Variants in SDK1 observed in about 807,000 individuals in gnomAD.
The protein encoded by SDK1 is protein sidekick-1.
SDK1 carries 157 observed loss-of-function variants against 245.5 expected under a neutral mutation model. The ratio of observed to expected loss-of-function variants is 0.64; its 90% CI spans 0.56 to 0.73. SDK1 has a LOEUF of 0.73. Ranked by LOEUF, SDK1 falls within the 30% of genes least tolerant of loss-of-function variation. SDK1 has a pLI of 0.00. For missense variants in SDK1, 3,583 were observed against 3,002.3 expected (o/e 1.19, Z -4.52); for synonymous variants, 1,647 against 1,278.5 (o/e 1.29, Z -6.15).
chr7:4,100,288 A>G lies in SDK1; in HGVS notation c.3325-10375A>G, dbSNP rs916815476. On this transcript the variant is annotated intron_variant, in intron 22 of 44. Coordinates refer to ENST00000404826, the MANE Select transcript of SDK1 (RefSeq NM_152744.4). Reference sequence around the variant, plus strand: ...GCCCTGGGCTCCTAGGGCAGGGGCCATGGGGGGCAGACATGGCCTCCAGGA... The same window carrying G: ...GCCCTGGGCTCCTAGGGCAGGGGCCGTGGGGGGCAGACATGGCCTCCAGGA... Among the ~76,000 whole-genome samples the G allele has an allele frequency of 2.0e-4, 31 of 152,136 alleles. 1 individual carries two copies. The highest frequency in any genetic ancestry group is 7.2e-4 in the African/African-American group (30 of 41,434).
chr7:4,055,997 A>T (rs1293089447), intron 19 of SDK1, among the ~76,000 whole-genome samples: 2 of 152,202 alleles, frequency 1.3e-5, no homozygotes, highest in Non-Finnish European at 2.9e-5. Context: ...AACACACTTC[A>T]TATAATTTTA....
At chr7:3,514,734 G>C (rs1782685422) in intron 1 of SDK1, among the ~76,000 whole-genome samples, 2 of 152,172 alleles carry the variant, frequency 1.3e-5, no homozygotes, top group African/African-American at 4.8e-5. Flanking sequence ...CCGTCTCCTT[G>C]ACCAGAACTG....
intron 1 of SDK1, among the ~76,000 whole-genome samples, chr7:3,513,409 C>A (rs979564496): frequency 6.6e-6 from 1 of 152,056 alleles, no homozygotes; most frequent in African/African-American, 2.4e-5. Flanking sequence ...AACAAAATCC[C>A]TTAATTAAGG....
chr7:3,373,227 G>A (rs1251374114), intron 1 of SDK1, among the ~76,000 whole-genome samples: 2 of 152,152 alleles, frequency 1.3e-5, no homozygotes, highest in African/African-American at 4.8e-5. Context: ...CATTAGCCTA[G>A]AAGGGCAGAA....
At chr7:4,045,134 A>C (rs554783492) in intron 17 of SDK1, among the ~76,000 whole-genome samples, 1 of 152,336 alleles carries the variant, frequency 6.6e-6, no homozygotes, top group African/African-American at 2.4e-5. Flanking sequence ...GCAGCATCCC[A>C]TTCCATAGAC....
At chr7:3,326,032 T>C (rs1270963312) in intron 1 of SDK1, among the ~76,000 whole-genome samples, 4 of 152,182 alleles carry the variant, frequency 2.6e-5, no homozygotes, top group Admixed American at 1.3e-4. Context: ...TCTATCCTAA[T>C]GTGTGTATAT....
chr7:3,340,766 C>CAA (rs56932562), intron 1 of SDK1, among the ~76,000 whole-genome samples: 1,949 of 125,352 alleles, frequency 0.016, 40 homozygotes, highest in East Asian at 0.041. Context: ...GACCCCGTCT[C>CAA]AAAAAAAAAA....
chr7:4,019,025 G>C (rs557407853), intron 17 of SDK1, among the ~76,000 whole-genome samples: 5 of 152,140 alleles, frequency 3.3e-5, no homozygotes, highest in Middle Eastern at 3.2e-3. Flanking sequence ...GTGCCTTCCA[G>C]CAACCCTGAA....
At chr7:3,528,799 A>T (rs143239629) in intron 1 of SDK1, among the ~76,000 whole-genome samples, 2 of 152,094 alleles carry the variant, frequency 1.3e-5, no homozygotes, top group East Asian at 3.9e-4. Flanking sequence ...GAATTGTGCT[A>T]TTTATGAAAA....
intron 14 of SDK1, among the ~76,000 whole-genome samples, chr7:4,008,319 G>A (rs529574191): frequency 2.6e-5 from 4 of 152,330 alleles, no homozygotes; most frequent in African/African-American, 7.2e-5. Flanking sequence ...TAGGAATAAC[G>A]CTCAAAATCC....
At chr7:3,374,511 T>A (rs1015267982) in intron 1 of SDK1, among the ~76,000 whole-genome samples, 1 of 152,192 alleles carries the variant, frequency 6.6e-6, no homozygotes, top group Non-Finnish European at 1.5e-5. Flanking sequence ...CTTCAGTGGC[T>A]GCCACCAGAA....
intron 14 of SDK1, 63 bp downstream of exon 14, chr7:3,987,385 G>A: frequency 6.4e-7 from 1 of 1,550,588 alleles, no homozygotes; most frequent in Non-Finnish European, 8.9e-7. Flanking sequence ...TGCTCTTAAT[G>A]TCCTTAACCT....
At chr7:3,986,452 A>G (rs1422509480) in intron 13 of SDK1, among the ~76,000 whole-genome samples, 1 of 152,236 alleles carries the variant, frequency 6.6e-6, no homozygotes, top group African/African-American at 2.4e-5. Flanking sequence ...CTAAATGGCT[A>G]GTGTTGGAAA....
At position 3,728,934 on chromosome 7, in the gene SDK1, T is replaced by TA. The variant is rs935995320; in HGVS notation, c.713+86839dup. On this transcript the variant is annotated intron_variant, in intron 4 of 44. Coordinates refer to ENST00000404826, the MANE Select transcript of SDK1 (RefSeq NM_152744.4). ...GCTATTTCTAAGAGACCTATCTCTC[T>TA]AAAAAAAAAATCTCTAGAAAAACTT... 6.7e-3 allele frequency among the ~76,000 whole-genome samples: 1,006 copies of TA among 149,636 alleles called. 11 individuals are homozygous for TA. Among genetic ancestry groups the TA allele is most frequent in the African/African-American group, 0.021 (873 of 40,938 alleles).
intron 40 of SDK1, among the ~76,000 whole-genome samples, chr7:4,229,718 A>C (rs1162134214): frequency 6.6e-6 from 1 of 152,152 alleles, no homozygotes. Context: ...CTTAATTTCA[A>C]TGGCTTTAAG....
chr7:3,666,535 T>C (rs953172773), intron 4 of SDK1, among the ~76,000 whole-genome samples: 1 of 152,152 alleles, frequency 6.6e-6, no homozygotes, highest in South Asian at 2.1e-4. Flanking sequence ...TGGCGACACC[T>C]CTCCCTGTTG....
At chr7:4,163,419 G>A (rs1455057046) in intron 32 of SDK1, among the ~76,000 whole-genome samples, 1 of 152,210 alleles carries the variant, frequency 6.6e-6, no homozygotes, top group Non-Finnish European at 1.5e-5. Context: ...GGATGTCCCG[G>A]CCACATGCCC....
chr7:3,472,576 C>T (rs555725146), intron 1 of SDK1, among the ~76,000 whole-genome samples: 3 of 152,262 alleles, frequency 2.0e-5, no homozygotes, highest in East Asian at 3.9e-4. Context: ...GCTGGTTCTA[C>T]ATTTAGGTAA....
chr7:4,258,604 T>C (rs1583191081), intron 44 of SDK1, among the ~76,000 whole-genome samples: 1 of 152,232 alleles, frequency 6.6e-6, no homozygotes, highest in African/African-American at 2.4e-5. Flanking sequence ...AGGCTGGTTT[T>C]GGCCCCGGTC....
Sources: gnomAD v4.1 joint callset for allele counts (sites outside exome capture counted in the v4.1 genomes callset) on GRCh38, gnomAD v4.1.1 for gene constraint, MANE v1.5 for transcripts, NCBI Gene and HGNC (gene_info 2026-07-23, HGNC 2026-07-21) for gene names.